The following MAPK14 variants were observed in gnomAD, a reference collection of about 807,000 sequenced individuals.
MAPK14 encodes mitogen-activated protein kinase 14, also known as CSAID-binding protein.
Under a neutral mutation model 49.6 loss-of-function variants are expected in MAPK14, and 16 were observed. The ratio of observed to expected loss-of-function variants is 0.32; its 90% CI spans 0.22 to 0.49. The LOEUF (loss-of-function observed/expected upper bound fraction) is 0.49. Among genes scored for constraint, MAPK14 ranks in the 20% least tolerant of loss-of-function variants. The pLI, the probability that MAPK14 is intolerant of heterozygous loss-of-function variation, is 0.99. For missense variants in MAPK14, 200 were observed against 441.2 expected, an observed-to-expected ratio of 0.45 and a Z score of 4.90; for synonymous variants, 142 against 158.0, an observed-to-expected ratio of 0.90 and a Z score of 0.76.
At chr6:36,064,315 A>G (rs1259012141) in intron 3 of MAPK14, among the ~76,000 whole-genome samples, 1 of 131,036 alleles carries the variant, frequency 7.6e-6, no homozygotes, top group Non-Finnish European at 1.6e-5. Context: ...TCTTTGCGCA[A>G]GCATAGTAGA....
intron 3 of MAPK14, among the ~76,000 whole-genome samples, chr6:36,059,914 A>G (rs7768956): frequency 0.046 from 6,987 of 152,280 alleles, 388 homozygotes; most frequent in African/African-American, 0.13. Context: ...GGGAGATGAT[A>G]CTAGAACTAC....
At chr6:36,103,617 G>A (rs996612124) in intron 10 of MAPK14, among the ~76,000 whole-genome samples, 4 of 152,156 alleles carry the variant, frequency 2.6e-5, no homozygotes, top group Admixed American at 1.3e-4. Context: ...GGATTCAGAC[G>A]TGAGACACTG....
chr6:36,080,748 T>A (rs999642753), intron 8 of MAPK14, among the ~76,000 whole-genome samples: 1 of 152,184 alleles, frequency 6.6e-6, no homozygotes, highest in Non-Finnish European at 1.5e-5. Flanking sequence ...AACTCTATGT[T>A]TAACTTTCTG....
intron 10 of MAPK14, among the ~76,000 whole-genome samples, chr6:36,104,126 T>C (rs1384901815): frequency 6.6e-6 from 1 of 152,172 alleles, no homozygotes; most frequent in Non-Finnish European, 1.5e-5. Context: ...TTTGGGCAGT[T>C]GTGGATGAGT....
In MAPK14 at chr6:36,085,750, A is replaced by G. The variant is rs567575146; in HGVS notation, c.682+9142A>G. On this transcript the variant is annotated intron_variant, in intron 8 of 11. Transcript: ENST00000229794. Reference sequence around the variant, plus strand: ...TTTAATACCCCACTGTCAATATTAGACAGATCATCAAGCAGAAAATTAACA... The same window carrying G: ...TTTAATACCCCACTGTCAATATTAGGCAGATCATCAAGCAGAAAATTAACA... Among the ~76,000 whole-genome samples, 4 of 152,292 alleles carry G rather than the reference A, an allele frequency of 2.6e-5. No homozygotes were observed. In the South Asian group the frequency reaches 8.3e-4, roughly 32 times the overall value.
intron 9 of MAPK14, among the ~76,000 whole-genome samples, chr6:36,098,874 A>G (rs1765537788): frequency 6.6e-6 from 1 of 152,186 alleles, no homozygotes; most frequent in Non-Finnish European, 1.5e-5. Context: ...CTGTACTCCT[A>G]ACAAAATAAA....
the MAPK14 span, among the ~76,000 whole-genome samples, chr6:36,121,235 A>T: frequency 5.3e-5 from 8 of 152,202 alleles, no homozygotes; most frequent in South Asian, 2.1e-4. Context: ...GCCTGTCCGG[A>T]TGGGGGCAAG....
intron 1 of MAPK14, among the ~76,000 whole-genome samples, chr6:36,039,605 T>G (rs2127400795): frequency 6.6e-6 from 1 of 152,230 alleles, no homozygotes; most frequent in Middle Eastern, 3.4e-3. Context: ...GCATACCAGT[T>G]TTGTTCTTTG....
At chr6:36,073,050 TAAAC>T (rs1362643582) in intron 4 of MAPK14, 66 bp downstream of exon 4, 3 of 1,009,184 alleles carry the variant, frequency 3.0e-6, no homozygotes, top group Non-Finnish European at 4.7e-6. Flanking sequence ...TTTTAGGGCT[TAAAC>T]AAACAAGTAA....
At chr6:36,059,663 TTTGTTGTTGTTG>T (rs58187530) in intron 3 of MAPK14, among the ~76,000 whole-genome samples, 1 of 151,476 alleles carries the variant, frequency 6.6e-6, no homozygotes, top group Non-Finnish European at 1.5e-5. Flanking sequence ...CAGGTTTGGT[TTTGTTGTTGTTG>T]TTGTTGTTGT....
chr6:36,045,892 C>T (rs1319736420), intron 1 of MAPK14, among the ~76,000 whole-genome samples: 1 of 151,254 alleles, frequency 6.6e-6, no homozygotes, highest in Non-Finnish European at 1.5e-5. Flanking sequence ...CTTATTTTCC[C>T]TTAATCACTT....
chr6:36,122,389 C>T, the MAPK14 span, among the ~76,000 whole-genome samples: 1 of 152,212 alleles, frequency 6.6e-6, no homozygotes, highest in Admixed American at 6.5e-5. Context: ...CTGCCCCAGG[C>T]ACGAAGGTGA....
chr6:36,065,506 A>AGG (rs982219278), intron 3 of MAPK14, among the ~76,000 whole-genome samples: 4 of 36,752 alleles, frequency 1.1e-4, no homozygotes, highest in Non-Finnish European at 1.9e-4. Flanking sequence ...AGGGCAGAAA[A>AGG]GGTGTGTGTG....
the MAPK14 span, among the ~76,000 whole-genome samples, chr6:36,117,264 A>C: frequency 3.3e-5 from 5 of 152,086 alleles, no homozygotes; most frequent in Non-Finnish European, 7.4e-5. Context: ...TCAAGCCAGC[A>C]CTCGCTTTGT....
At chr6:36,058,785 AGC>A in intron 2 of MAPK14, among the ~76,000 whole-genome samples, 1 of 151,962 alleles carries the variant, frequency 6.6e-6, no homozygotes, top group African/African-American at 2.4e-5. Flanking sequence ...TTATAGTCCC[AGC>A]TACTTGGGAG....
chr6:36,043,288 T>A (rs1382050489), intron 1 of MAPK14, among the ~76,000 whole-genome samples: 1 of 152,162 alleles, frequency 6.6e-6, no homozygotes, highest in African/African-American at 2.4e-5. Flanking sequence ...AAATTTTGAG[T>A]TTTTAAAGTC....
chr6:36,082,895 G>A (rs1319917591), intron 8 of MAPK14, among the ~76,000 whole-genome samples: 1 of 152,108 alleles, frequency 6.6e-6, no homozygotes, highest in Non-Finnish European at 1.5e-5. Flanking sequence ...CATGGCTAGT[G>A]GTATTGGTTT....
At chr6:36,042,003 T>G (rs1195037058) in intron 1 of MAPK14, among the ~76,000 whole-genome samples, 2 of 151,912 alleles carry the variant, frequency 1.3e-5, no homozygotes, top group Non-Finnish European at 2.9e-5. Context: ...GAAAGATGGG[T>G]ATTTGGAGAG....
chr6:36,051,792 C>G (rs774422206), intron 1 of MAPK14, among the ~76,000 whole-genome samples: 1 of 151,966 alleles, frequency 6.6e-6, no homozygotes, highest in Non-Finnish European at 1.5e-5. Flanking sequence ...ATAGGGGATT[C>G]GGGGAAATAC....
Sources: allele counts gnomAD v4.1 joint callset (sites outside exome capture counted in the v4.1 genomes callset), GRCh38; gene constraint gnomAD v4.1.1; transcripts MANE v1.5; gene names NCBI Gene and HGNC (gene_info 2026-07-23, HGNC 2026-07-21).